The following MVP variants were observed in gnomAD, a reference collection of about 807,000 sequenced individuals.
MVP encodes lung resistance-related protein.
MVP carries 62 observed loss-of-function variants against 83.5 expected under a neutral mutation model. The observed-to-expected ratio is 0.74, with a 90% CI of 0.61 to 0.92. MVP has a LOEUF of 0.92. Among genes scored for constraint, MVP ranks in the 40% least tolerant of loss-of-function variants. MVP has a pLI of 0.00. For synonymous variants in MVP, 505 were observed against 504.1 expected (o/e 1.00, Z -0.02); for missense variants, 1,000 against 1,203.4 (o/e 0.83, Z 2.50).
At chr16:29,834,433 CCAAGGTGGGT>C (rs1192662777) in intron 5 of MVP, 1 of 286,258 alleles carries the variant, frequency 3.5e-6, no homozygotes, top group Non-Finnish European at 6.9e-6. Context: ...CAGCACTTTG[CCAAGGTGGGT>C]GAATCGTCTG....
intron 6 of MVP, 37 bp from the exon 7 acceptor site, chr16:29,836,685 G>A: frequency 6.7e-7 from 1 of 1,497,712 alleles, no homozygotes; most frequent in Non-Finnish European, 9.0e-7. Context: ...TGAAGTTGGA[G>A]GCAGGTCACT....
chr16:29,831,168 T>C lies in MVP; in HGVS notation c.321+95T>C. 3 of 1,218,604 alleles carry C rather than the reference T, an allele frequency of 2.5e-6. No individual in the cohort carries two copies. In the South Asian group the frequency reaches 4.7e-5, roughly 19 times the overall value. 75.5% of individuals were successfully genotyped at this position (1,218,604 alleles called of 1,614,324 possible). A position where few individuals can be genotyped will look rare whatever the true frequency, so the allele number is the denominator to read the frequency against. ...GCCTTCTTCTTCTTTTTTTCTTTTC[T>C]TTTTTGAGGCAGAGTTTCACTCTTG... On this transcript the variant is annotated intron_variant, in intron 3 of 14. Transcript: ENST00000357402.
chr16:29,847,383 C>A lies in MVP; in HGVS notation c.2452C>A (p.Gln818Lys). 1 of 1,544,120 alleles carries A rather than the reference C, an allele frequency of 6.5e-7. No individual in the cohort carries two copies. The highest frequency in any genetic ancestry group is 1.3e-5 in the South Asian group (1 of 79,312). ...RDLAVAGPEMQVKLLQSLGLK... is the reference protein window; with the variant it reads ...RDLAVAGPEMKVKLLQSLGLK... ...CCTTGCTGTGGCTGGGCCTGAGATGCAGGTGAGAGTTGGGGAAGGTGTGTT... is the reference window on the plus strand; with the variant it reads ...CCTTGCTGTGGCTGGGCCTGAGATGAAGGTGAGAGTTGGGGAAGGTGTGTT... Residue 818 changes from glutamine to lysine, a missense_variant and splice_region_variant, in exon 14 of 15, where the codon CAG (glutamine) becomes AAG (lysine). Gln to Lys is a moderately conservative substitution (Grantham distance 53, BLOSUM62 1). Transcript: ENST00000357402.
At chr16:29,826,326 G>T (rs1207838653) in intron 1 of MVP, among the ~76,000 whole-genome samples, 2 of 152,152 alleles carry the variant, frequency 1.3e-5, no homozygotes, top group Non-Finnish European at 2.9e-5. Context: ...TCCCATAAGG[G>T]TGAGAGCCAA....
At chr16:29,835,641 G>A in intron 5 of MVP, 63 bp from the exon 6 acceptor site, 4 of 1,364,612 alleles carry the variant, frequency 2.9e-6, no homozygotes, top group Non-Finnish European at 3.1e-6. Flanking sequence ...TAAGCTGTGG[G>A]GGAGGGGTAG....
At chr16:29,822,205 G>C (rs771878611) in intron 1 of MVP, among the ~76,000 whole-genome samples, 2 of 151,652 alleles carry the variant, frequency 1.3e-5, no homozygotes, top group East Asian at 1.9e-4. Flanking sequence ...TGATCTAGGC[G>C]GTTCTTGCCT....
intron 5 of MVP, 155 bp from the exon 6 acceptor site, chr16:29,835,549 G>T: frequency 8.0e-5 from 29 of 363,410 alleles, no homozygotes; most frequent in East Asian, 2.1e-4. Context: ...TCAAAAGAAT[G>T]AATAAGAGGA....
chr16:29,831,360 G>T (rs946320751), intron 3 of MVP, among the ~76,000 whole-genome samples: 1 of 152,080 alleles, frequency 6.6e-6, no homozygotes, highest in African/African-American at 2.4e-5. Context: ...CACCATGTTG[G>T]CCAGTCTGAT....
In MVP at chr16:29,833,943, A is replaced by G; in HGVS notation, c.454A>G (p.Ile152Val). 2 of 1,613,952 alleles carry G rather than the reference A, an allele frequency of 1.2e-6. No homozygotes were observed. The highest frequency in any genetic ancestry group is 1.1e-5 in the South Asian group (1 of 91,066). ...TCACCTTCCCTCCCCAGGCACGTAC[A>G]TCCCCCGGAAGGAAGTGGAGGTCGT... ...EWLFEGPGTYIPRKEVEVVEI... is the reference protein window; with the variant it reads ...EWLFEGPGTYVPRKEVEVVEI... The change falls in exon 5 of 15, where the codon ATC becomes GTC. Residue 152 changes from isoleucine (I) to valine (V), a missense_variant. Coordinates refer to ENST00000357402, the MANE Select transcript of MVP (RefSeq NM_005115.5).
chr16:29,842,552 G>A (rs2067544071), intron 10 of MVP, among the ~76,000 whole-genome samples: 1 of 152,132 alleles, frequency 6.6e-6, no homozygotes, highest in South Asian at 2.1e-4. Context: ...TGATCCGCCT[G>A]CCTCGGCTTC....
chr16:29,846,177 G>C lies in MVP; in HGVS notation c.2158G>C (p.Gly720Arg). The change falls in exon 13 of 15, where the codon GGG becomes CGG. Residue 720 changes from glycine to arginine, a missense_variant. Gly to Arg is a moderately radical substitution (Grantham distance 125, BLOSUM62 -2). Coordinates refer to ENST00000357402, the MANE Select transcript of MVP (RefSeq NM_005115.5). ...EALSMAVEST[G>R]TAKAEAESRA... Reference sequence around the variant, plus strand: ...CCCCAGCATGGCCGTGGAGAGCACCGGGACTGCCAAGGCGGAGGCCGAGTC... The same window carrying C: ...CCCCAGCATGGCCGTGGAGAGCACCCGGACTGCCAAGGCGGAGGCCGAGTC... 1 of 1,610,894 alleles carries C rather than the reference G, an allele frequency of 6.2e-7. No homozygotes were observed. Among genetic ancestry groups the C allele is most frequent in the Non-Finnish European group, 8.5e-7 (1 of 1,178,688 alleles).
At chr16:29,834,277 T>G (rs887717071) in intron 5 of MVP, 2 of 607,488 alleles carry the variant, frequency 3.3e-6, no homozygotes, top group South Asian at 3.9e-5. Flanking sequence ...ACCATGACCA[T>G]GCGGATGTGG....
At chr16:29,844,230 C>A (rs1161244917) in intron 10 of MVP, among the ~76,000 whole-genome samples, 1 of 152,254 alleles carries the variant, frequency 6.6e-6, no homozygotes, top group Admixed American at 6.5e-5. Context: ...TTTTTAGGAC[C>A]TTACCAGGCA....
intron 1 of MVP, chr16:29,822,478 A>C (rs1025831985): frequency 6.6e-6 from 1 of 152,090 alleles, no homozygotes; most frequent in Non-Finnish European, 1.5e-5. Flanking sequence ...AACTTAAATC[A>C]GTGAGAAACT....
At position 29,847,373 on chromosome 16, in the gene MVP, G is replaced by A. The variant is rs773926467; in HGVS notation, c.2442G>A (p.Gly814=). Residue 814 remains glycine, a synonymous_variant, in exon 14 of 15, where the codon GGG becomes GGA. Coordinates refer to ENST00000357402, the MANE Select transcript of MVP (RefSeq NM_005115.5). ...PSTIRDLAVA[G]PEMQVKLLQS... ...CCATCAGGGACCTTGCTGTGGCTGG[G>A]CCTGAGATGCAGGTGAGAGTTGGGG... 1 of 1,552,212 alleles carries A rather than the reference G, an allele frequency of 6.4e-7. No individual in the cohort carries two copies. The highest frequency in any genetic ancestry group is 1.2e-5 in the South Asian group (1 of 80,958).
chr16:29,841,609 T>C lies in MVP; in HGVS notation c.1205T>C (p.Ile402Thr). 3 of 1,604,388 alleles carry C rather than the reference T, an allele frequency of 1.9e-6. No individual in the cohort carries two copies. The highest frequency in any genetic ancestry group is 2.6e-6 in the Non-Finnish European group (3 of 1,174,618). Residue 402 changes from isoleucine to threonine, a missense_variant, in exon 9 of 15, where the codon ATT (isoleucine) becomes ACT (threonine). By Grantham distance (89) the Ile-to-Thr change is moderately conservative. Coordinates refer to ENST00000357402, the MANE Select transcript of MVP (RefSeq NM_005115.5). This position sits in a 1 kb window ranked among gnomAD's most constrained non-coding sequence, Gnocchi z 4.7. ...CCTCGTCCCAAGGTGCGCGCTGTGA[T>C]TGGAAGCACCTACATGCTGACCCAG... ...DVKTGKVRAVIGSTYMLTQDE... is the reference protein window; with the variant it reads ...DVKTGKVRAVTGSTYMLTQDE...
rs1171058729 is a variant in MVP at position 29,840,404 on chromosome 16, C to T, written c.1136C>T (p.Ala379Val). The T allele has an allele frequency of 1.3e-6, 2 of 1,590,312 alleles. No individual in the cohort carries two copies. The highest frequency in any genetic ancestry group is 1.3e-5 in the African/African-American group (1 of 74,770). ...GTGGAGGTGGTGGAGGAGCGCCAGGCCATCCCTCTAGACGAGAACGAGGGC... is the reference window on the plus strand; with the variant it reads ...GTGGAGGTGGTGGAGGAGCGCCAGGTCATCCCTCTAGACGAGAACGAGGGC... ...AKVEVVEERQ[A>V]IPLDENEGIY... is the part of the protein sequence containing the mutation. The change falls in exon 8 of 15, where the codon GCC becomes GTC. Residue 379 changes from alanine (A) to valine (V), a missense_variant. Ala to Val is a moderately conservative substitution (Grantham distance 64). Coordinates refer to ENST00000357402, the MANE Select transcript of MVP (RefSeq NM_005115.5).
Position 29,841,977 on chromosome 16 carries a change from T to A in MVP, c.1499T>A (p.Leu500His). ...GPEEQFTVLS[L>H]SAGRPKRPHA... ...GAGGAGCAGTTCACAGTGTTGTCCC[T>A]CTCAGCTGGGCGGCCCAAGCGTCCC... The change falls in exon 10 of 15, where the codon CTC becomes CAC. Residue 500 changes from leucine (L) to histidine (H), a missense_variant. Transcript: ENST00000357402. The surrounding 1 kb of genome is among the most constrained non-coding windows in gnomAD (Gnocchi z 4.7). 1 of 1,612,780 alleles carries A rather than the reference T, an allele frequency of 6.2e-7. No homozygotes were observed. The highest frequency in any genetic ancestry group is 8.5e-7 in the Non-Finnish European group (1 of 1,180,018).
chr16:29,841,563 AC>A lies in MVP; in HGVS notation c.1192-32del. 6.5e-7 allele frequency: 1 copy of A among 1,545,340 alleles called. No homozygotes were observed. The highest frequency in any genetic ancestry group is 2.3e-5 in the East Asian group (1 of 44,190). ...GCGGATCTTCCTCCCTTCCACCCTTACGGGCAGCTTCCCTCCCTGTCCTCGT... is the reference window on the plus strand; with the variant it reads ...GCGGATCTTCCTCCCTTCCACCCTTAGGGCAGCTTCCCTCCCTGTCCTCGT... On this transcript the variant is annotated intron_variant, in intron 8 of 14. Coordinates refer to ENST00000357402, the MANE Select transcript of MVP (RefSeq NM_005115.5). The surrounding 1 kb of genome is among the most constrained non-coding windows in gnomAD (Gnocchi z 4.7).
Sources: gnomAD v4.1 joint callset for allele counts (sites outside exome capture counted in the v4.1 genomes callset) on GRCh38, gnomAD v4.1.1 for gene constraint, Gnocchi (gnomAD v3.1) non-coding constraint, MANE v1.5 for transcripts, NCBI Gene and HGNC (gene_info 2026-07-23, HGNC 2026-07-21) for gene names.